The following SEC16B variants were observed in gnomAD, a reference collection of about 807,000 sequenced individuals.
The protein encoded by SEC16B is SEC16 homolog B, endoplasmic reticulum export factor.
Under a neutral mutation model 141.8 loss-of-function variants are expected in SEC16B, and 115 were observed. The observed-to-expected ratio is 0.81, with a 90% CI of 0.70 to 0.95. SEC16B has a LOEUF of 0.95. Among genes scored for constraint, SEC16B ranks in the 40% least tolerant of loss-of-function variants. The probability of loss-of-function intolerance (pLI) is 0.00; values close to 1 mark genes in which losing one functional copy is unlikely to be tolerated. For synonymous variants in SEC16B, 493 were observed against 492.5 expected (o/e 1.00, Z -0.01); for missense variants, 1,291 against 1,312.3 (o/e 0.98, Z 0.25).
At chr1:177,940,015 G>A (rs776452616) in intron 17 of SEC16B, among the ~76,000 whole-genome samples, 3 of 152,118 alleles carry the variant, frequency 2.0e-5, no homozygotes, top group Non-Finnish European at 4.4e-5. Context: ...AGGAAGGAGC[G>A]CATGGAAAGA....
intron 25 of SEC16B, 49 bp downstream of exon 25, chr1:177,930,496 T>A: frequency 7.4e-7 from 1 of 1,349,706 alleles, no homozygotes; most frequent in Non-Finnish European, 1.1e-6. Context: ...GTCTCCTTAA[T>A]CCAAAACCTG....
At chr1:177,962,163 T>C (rs763545134) in intron 5 of SEC16B, among the ~76,000 whole-genome samples, 3 of 152,062 alleles carry the variant, frequency 2.0e-5, no homozygotes, top group Non-Finnish European at 4.4e-5. Flanking sequence ...AACCTCCACC[T>C]CCTGGGTTCA....
chr1:177,942,818 A>G (rs1408422842), intron 15 of SEC16B, among the ~76,000 whole-genome samples: 4 of 152,178 alleles, frequency 2.6e-5, no homozygotes, highest in Non-Finnish European at 5.9e-5. Context: ...CCAAGTTCAA[A>G]TAAAAGCTCC....
chr1:177,972,034 G>A (rs1215350696), upstream of SEC16B, among the ~76,000 whole-genome samples: 3 of 152,174 alleles, frequency 2.0e-5, no homozygotes, highest in African/African-American at 7.2e-5. Flanking sequence ...CAGCATTCTT[G>A]CAATTATAGA....
chr1:177,961,866 G>C (rs1653092728), intron 5 of SEC16B, 132 bp from the exon 6 acceptor site: 1 of 880,704 alleles, frequency 1.1e-6, no homozygotes, highest in African/African-American at 1.7e-5. Flanking sequence ...TAATCAAGTT[G>C]ATAGGCATTT....
intron 13 of SEC16B, 114 bp from the exon 14 acceptor site, chr1:177,946,645 G>A (rs1651740563): frequency 1.4e-6 from 1 of 704,294 alleles, no homozygotes; most frequent in Admixed American, 2.4e-5. Context: ...GAGGGGAGAA[G>A]CCACATGGGA....
chr1:177,971,556 T>G (rs759083699), upstream of SEC16B: 2 of 152,224 alleles, frequency 1.3e-5, no homozygotes, highest in Non-Finnish European at 2.9e-5. Context: ...TTCTGATATA[T>G]CACAACAACA....
chr1:177,945,260 A>C (rs1365473303), intron 14 of SEC16B: 1 of 152,284 alleles, frequency 6.6e-6, no homozygotes, highest in East Asian at 1.9e-4. Context: ...TGGTGGGCAC[A>C]AGAGTCTCAT....
chr1:177,979,659 G>A (rs1654321386), intron 1 of SEC16B, among the ~76,000 whole-genome samples: 1 of 152,226 alleles, frequency 6.6e-6, no homozygotes, highest in Non-Finnish European at 1.5e-5. Context: ...TTTTCATGCT[G>A]CTGATAAAGA....
At chr1:177,979,127 C>G (rs1654298114) in intron 1 of SEC16B, among the ~76,000 whole-genome samples, 1 of 152,064 alleles carries the variant, frequency 6.6e-6, no homozygotes, top group African/African-American at 2.4e-5. Flanking sequence ...GAGCATATGG[C>G]TTAGTAATAG....
Position 177,961,696 on chromosome 1 carries a change from A to C in SEC16B, c.681T>G (p.Arg227=). 6.2e-7 allele frequency: 1 copy of C among 1,613,966 alleles called. No individual in the cohort carries two copies. The highest frequency in any genetic ancestry group is 1.1e-5 in the South Asian group (1 of 91,072). Residue 227 remains arginine (R), a synonymous_variant, in exon 6 of 26, where the codon CGT becomes CGG. Coordinates refer to ENST00000308284, the MANE Select transcript of SEC16B (RefSeq NM_033127.4). ...AGCTGCTGGAGCTGAGACCAGACTCACGCTGCTGGAGAAGGTTGGACTCAC... is the reference window on the plus strand; with the variant it reads ...AGCTGCTGGAGCTGAGACCAGACTCCCGCTGCTGGAGAAGGTTGGACTCAC... The part of the protein sequence containing the change: ...LASESNLLQQ[R]ESGLSSSSYE...
rs576450009 is a variant in SEC16B, at chr1:177,947,911, C to T, written c.1577G>A (p.Arg526Lys). The T allele has an allele frequency of 6.4e-6, 10 of 1,557,674 alleles. No individual in the cohort carries two copies. In the South Asian group the frequency reaches 1.2e-4, roughly 18 times the overall value. The change falls in exon 13 of 26, where the codon AGG (arginine) becomes AAG (lysine). Residue 526 changes from arginine (R) to lysine (K), a missense_variant. Coordinates refer to ENST00000308284, the MANE Select transcript of SEC16B (RefSeq NM_033127.4). ...CGACAGAATCACAGCCAAGTGAGGCCTCCAGTCTCCCCACTGCTTTTCTCC... is the reference window on the plus strand; with the variant it reads ...CGACAGAATCACAGCCAAGTGAGGCTTCCAGTCTCCCCACTGCTTTTCTCC... ...CCGEKQWGDWRPHLAVILSNQ... is the reference protein window; with the variant it reads ...CCGEKQWGDWKPHLAVILSNQ...
intron 24 of SEC16B, 102 bp from the exon 25 acceptor site, chr1:177,930,745 A>C: frequency 1.3e-6 from 1 of 784,084 alleles, no homozygotes. Flanking sequence ...TTTTTTTCTC[A>C]GTGATTTCTT....
chr1:177,954,132 A>G, intron 11 of SEC16B, 147 bp downstream of exon 11: 2 of 563,134 alleles, frequency 3.6e-6, no homozygotes, highest in Non-Finnish European at 6.4e-6. Flanking sequence ...GAGAAATGCT[A>G]TGTCCAGCTC....
chr1:177,957,046 C>T (rs1293518900), intron 10 of SEC16B, among the ~76,000 whole-genome samples: 1 of 152,050 alleles, frequency 6.6e-6, no homozygotes, highest in Non-Finnish European at 1.5e-5. Flanking sequence ...TGATAGGAAG[C>T]CTTAGATATA....
intron 15 of SEC16B, among the ~76,000 whole-genome samples, chr1:177,944,319 TCAGCAGTGAGGCAGGAGCCTC>T (rs1326140407): frequency 3.9e-5 from 6 of 152,142 alleles, no homozygotes; most frequent in African/African-American, 1.4e-4. Context: ...CGTTCAAACA[TCAGCAGTGAGGCAGGAGCCTC>T]CAGCAGAGAG....
At chr1:177,937,555 G>T in intron 18 of SEC16B, 42 bp from the exon 19 acceptor site, 1 of 1,436,152 alleles carries the variant, frequency 7.0e-7, no homozygotes. Flanking sequence ...GACCTGAAAT[G>T]CGGCATTTGC....
chr1:177,982,636 G>A (rs1459037106), intron 1 of SEC16B, among the ~76,000 whole-genome samples: 2 of 152,220 alleles, frequency 1.3e-5, no homozygotes, highest in South Asian at 2.1e-4. Context: ...ATGGTGAGGA[G>A]TTCTAGGAAG....
Position 177,946,471 on chromosome 1 carries a change from C to G in SEC16B, c.1724G>C (p.Gly575Ala). The G allele has an allele frequency of 6.3e-7, 1 of 1,585,276 alleles. No individual in the cohort carries two copies. ...FCYLMAHVPFGHYTVKTDHLV... is the reference protein window; with the variant it reads ...FCYLMAHVPFAHYTVKTDHLV... ...ATGGTCTGTCTTCACGGTGTAGTGG[C>G]CAAAGGGCACGTGAGCCATGAGATA... is the stretch of plus-strand genomic sequence containing the variant. The change falls in exon 14 of 26, where the codon GGC (glycine) becomes GCC (alanine). Residue 575 changes from glycine (G) to alanine (A), a missense_variant. This residue lies in a region of SEC16B where 605 missense variants were observed against 614.1 expected (regional missense o/e 0.99). Transcript: ENST00000308284.
Sources: allele counts gnomAD v4.1 joint callset (sites outside exome capture counted in the v4.1 genomes callset), GRCh38; gene constraint gnomAD v4.1.1; regional missense constraint gnomAD v4.1.1; transcripts MANE v1.5; gene names NCBI Gene and HGNC (gene_info 2026-07-23, HGNC 2026-07-21).